Variants in SEC14L5 observed in about 807,000 individuals in gnomAD.
SEC14L5 encodes SEC14 like lipid binding 5.
SEC14L5 carries 96 observed loss-of-function variants against 84.6 expected under a neutral mutation model. The ratio of observed to expected loss-of-function variants is 1.13; its 90% CI spans 0.96 to 1.34. SEC14L5 has a LOEUF of 1.34. SEC14L5 is among the 40% of genes most tolerant of loss of function. SEC14L5 has a pLI of 0.00. For synonymous variants in SEC14L5, 546 were observed against 383.4 expected, an observed-to-expected ratio of 1.42 and a Z score of -4.95; for missense variants, 1,224 against 942.5, an observed-to-expected ratio of 1.30 and a Z score of -3.91.
rs1240255490 is a variant in SEC14L5 at position 5,003,108 on chromosome 16, C to T, written c.1131-294C>T. ...TATATACCATCTCACTTGATCCTAA[C>T]AGCAGTTGCTTCAGATGAGGACTGT... is the stretch of plus-strand genomic sequence containing the variant. On this transcript the variant is annotated intron_variant, in intron 10 of 15. Transcript: ENST00000251170. Among the ~76,000 whole-genome samples the T allele has an allele frequency of 5.3e-5, 8 of 152,374 alleles. No individual in the cohort carries two copies. The South Asian group carries it at 1.7e-3, about 32-fold the overall frequency.
chr16:4,998,540 C>T (rs1448053651), intron 8 of SEC14L5, among the ~76,000 whole-genome samples: 1 of 148,956 alleles, frequency 6.7e-6, no homozygotes, highest in Admixed American at 6.7e-5. Context: ...AGATCGAGAC[C>T]ATCCCGGCTA....
intron 6 of SEC14L5, among the ~76,000 whole-genome samples, chr16:4,994,763 C>T (rs1443432433): frequency 6.6e-6 from 1 of 151,976 alleles, no homozygotes; most frequent in Non-Finnish European, 1.5e-5. Flanking sequence ...GTACCTTCCC[C>T]ATTTTGCACA....
At position 5,008,486 on chromosome 16, in the gene SEC14L5, C is replaced by A. The variant is rs372093889; in HGVS notation, c.1638C>A (p.Asp546Glu). Residue 546 changes from aspartate (D) to glutamate (E), a missense_variant, in exon 14 of 16, where the codon GAC becomes GAA. Coordinates refer to ENST00000251170, the MANE Select transcript of SEC14L5 (RefSeq NM_014692.2). ...ITWDFDILRG[D>E]VVFSLYHTKQ... ...GGGACTTTGACATCCTGCGAGGGGACGTGGTGTTCAGCCTGTACCACACCA... is the reference window on the plus strand; with the variant it reads ...GGGACTTTGACATCCTGCGAGGGGAAGTGGTGTTCAGCCTGTACCACACCA... 1.2e-6 allele frequency: 2 copies of A among 1,613,558 alleles called. No individual in the cohort carries two copies. The highest frequency in any genetic ancestry group is 1.7e-6 in the Non-Finnish European group (2 of 1,179,764).
At chr16:4,973,740 T>G (rs1277080702) in intron 2 of SEC14L5, among the ~76,000 whole-genome samples, 2 of 149,874 alleles carry the variant, frequency 1.3e-5, no homozygotes, top group Non-Finnish European at 3.0e-5. Context: ...TGGAATGCAG[T>G]GAGGCAATCT....
intron 2 of SEC14L5, among the ~76,000 whole-genome samples, chr16:4,971,383 C>T (rs951524106): frequency 6.6e-6 from 1 of 151,598 alleles, no homozygotes; most frequent in Non-Finnish European, 1.5e-5. Flanking sequence ...CAGTGGAGGC[C>T]AGGAGGTCGA....
rs766501499 is a variant in SEC14L5 at position 4,988,148 on chromosome 16, G to C, written c.214-1G>C. 6.2e-7 allele frequency: 1 copy of C among 1,610,686 alleles called. No homozygotes were observed. Among genetic ancestry groups the C allele is most frequent in the South Asian group, 1.1e-5 (1 of 91,040 alleles). On this transcript the variant is annotated splice_acceptor_variant, in intron 3 of 15. Transcript: ENST00000251170. LOFTEE classifies it high-confidence loss of function. ...CCGCCTCCCCGCCCCTTCCCTTGCA[G>C]ATCGCAGGTGTTGAGCACGTGGTCT...
intron 15 of SEC14L5, 72 bp downstream of exon 15, chr16:5,011,345 C>G (rs147532997): frequency 2.3e-4 from 344 of 1,470,500 alleles, no homozygotes; most frequent in Admixed American, 3.5e-4. Flanking sequence ...GATGCCTGGC[C>G]TCCTGTCTCC....
intron 2 of SEC14L5, among the ~76,000 whole-genome samples, chr16:4,963,391 G>A (rs569682335): frequency 2.2e-4 from 34 of 152,094 alleles, no homozygotes; most frequent in Non-Finnish European, 4.9e-4. Flanking sequence ...TGTCATCTAG[G>A]TTGGAGTGCA....
chr16:4,978,108 T>C (rs898137058), intron 2 of SEC14L5, among the ~76,000 whole-genome samples: 1 of 144,008 alleles, frequency 6.9e-6, no homozygotes, highest in Non-Finnish European at 1.5e-5. Context: ...AGCCTTTATT[T>C]TATTTTTTAA....
intron 15 of SEC14L5, among the ~76,000 whole-genome samples, chr16:5,014,356 C>A (rs1253641501): frequency 6.6e-6 from 1 of 152,184 alleles, no homozygotes; most frequent in African/African-American, 2.4e-5. Context: ...TGAGACCAGC[C>A]TGGGCAGCAT....
At chr16:4,990,663 T>G in intron 4 of SEC14L5, 104 bp from the exon 5 acceptor site, 1 of 1,190,550 alleles carries the variant, frequency 8.4e-7, no homozygotes, top group Non-Finnish European at 1.1e-6. Flanking sequence ...TGATCTGCTT[T>G]CCACTGCAGG....
At position 4,981,898 on chromosome 16, in the gene SEC14L5, C is replaced by CT. The variant is rs1225187664; in HGVS notation, c.64-5658dup. Among the ~76,000 whole-genome samples, 5 of 152,338 alleles carry CT rather than the reference C, an allele frequency of 3.3e-5. No homozygotes were observed. In the East Asian group the frequency reaches 9.7e-4, roughly 29 times the overall value. On this transcript the variant is annotated intron_variant, in intron 2 of 15. Coordinates refer to ENST00000251170, the MANE Select transcript of SEC14L5 (RefSeq NM_014692.2). ...GCCTCCACTGGCTTTACTCTGCTCTCTGTCCTCCGTGGGGAGATGATTTCC... is the reference window on the plus strand; with the variant it reads ...GCCTCCACTGGCTTTACTCTGCTCTCTTGTCCTCCGTGGGGAGATGATTTCC...
At position 5,019,129 on chromosome 16, in the gene SEC14L5, CG is replaced by C. The variant is rs1955906134; in HGVS notation, c.*4160del. The C allele has an allele frequency of 6.6e-6, 1 of 152,218 alleles. No homozygotes were observed. The highest frequency in any genetic ancestry group is 1.5e-5 in the Non-Finnish European group (1 of 68,062). The allele number at this position is 152,218 out of a possible 1,614,324, so 9.4% of individuals were successfully genotyped here. A position where few individuals can be genotyped will look rare whatever the true frequency, so the allele number is the denominator to read the frequency against. ...GGACTGCTTTGAATGTGCTCCAACA[CG>C]AGTTCGTAAACTTTCTTAAAATACT... On this transcript the variant is annotated 3_prime_UTR_variant, in exon 16 of 16. Coordinates refer to ENST00000251170, the MANE Select transcript of SEC14L5 (RefSeq NM_014692.2).
chr16:4,962,845 A>G (rs1955143108), intron 2 of SEC14L5, among the ~76,000 whole-genome samples: 1 of 152,188 alleles, frequency 6.6e-6, no homozygotes, highest in Non-Finnish European at 1.5e-5. Context: ...CAACAAAGCC[A>G]CTTTGCCGAC....
At chr16:4,993,916 TC>T (rs1955579199) in intron 6 of SEC14L5, among the ~76,000 whole-genome samples, 1 of 151,508 alleles carries the variant, frequency 6.6e-6, no homozygotes, top group Admixed American at 6.6e-5. Context: ...ACAAGTTTTT[TC>T]ATTATGAGCA....
intron 2 of SEC14L5, among the ~76,000 whole-genome samples, chr16:4,986,994 CTTCT>C (rs1387996640): frequency 2.6e-5 from 4 of 152,134 alleles, no homozygotes. Context: ...GATAGTTTTA[CTTCT>C]TCCTTTCCAA....
chr16:4,988,697 T>C (rs955799881), intron 4 of SEC14L5, among the ~76,000 whole-genome samples: 2 of 152,226 alleles, frequency 1.3e-5, no homozygotes, highest in Non-Finnish European at 2.9e-5. Flanking sequence ...AGGTAGTATG[T>C]GGCGCCTTTA....
At chr16:5,011,378 G>T in intron 15 of SEC14L5, 105 bp downstream of exon 15, 3 of 1,192,866 alleles carry the variant, frequency 2.5e-6, no homozygotes, top group Non-Finnish European at 3.5e-6. Context: ...CTTCTCCCGG[G>T]GTGGGACCCC....
chr16:4,995,275 G>A (rs1469432667), intron 6 of SEC14L5, among the ~76,000 whole-genome samples: 1 of 152,232 alleles, frequency 6.6e-6, no homozygotes, highest in Non-Finnish European at 1.5e-5. Flanking sequence ...GCCAGCATCT[G>A]CCACCCTCAT....
Sources: allele counts gnomAD v4.1 joint callset (sites outside exome capture counted in the v4.1 genomes callset), GRCh38; gene constraint gnomAD v4.1.1; transcripts MANE v1.5; gene names NCBI Gene and HGNC (gene_info 2026-07-23, HGNC 2026-07-21).